Variants in PTPRG observed in about 807,000 individuals in gnomAD.
PTPRG encodes protein tyrosine phosphatase receptor type G, also known as receptor-type tyrosine-protein phosphatase gamma.
PTPRG carries 102 observed loss-of-function variants against 165.3 expected under a neutral mutation model. That is an observed-to-expected ratio of 0.62 (90% CI 0.53 to 0.73). PTPRG has a LOEUF of 0.73. PTPRG is among the 30% of genes least tolerant of loss of function. The pLI is 0.00. For synonymous variants in PTPRG, 675 were observed against 669.5 expected (o/e 1.01, Z -0.13); for missense variants, 1,866 against 1,861.4 (o/e 1.00, Z -0.05).
chr3:61,839,820 C>A (rs867493781), intron 2 of PTPRG, among the ~76,000 whole-genome samples: 2 of 152,162 alleles, frequency 1.3e-5, no homozygotes, highest in African/African-American at 4.8e-5. Flanking sequence ...CACCTCTCAA[C>A]TCTCACCCCC....
At chr3:62,115,422 G>C in intron 5 of PTPRG, among the ~76,000 whole-genome samples, 1 of 152,258 alleles carries the variant, frequency 6.6e-6, no homozygotes, top group East Asian at 1.9e-4. Flanking sequence ...GGGTTGAGGA[G>C]TATAAGCAGG....
chr3:62,267,360 G>T (rs1576198411), intron 17 of PTPRG, 50 bp from the exon 18 acceptor site: 1 of 1,359,934 alleles, frequency 7.4e-7, no homozygotes, highest in Non-Finnish European at 1.0e-6. Context: ...AATGGTGCTA[G>T]TTTCTGAATT....
At chr3:61,800,141 T>C (rs1559618736) in intron 2 of PTPRG, among the ~76,000 whole-genome samples, 1 of 152,154 alleles carries the variant, frequency 6.6e-6, no homozygotes, top group East Asian at 1.9e-4. Flanking sequence ...TGAATAAATA[T>C]TGTGTGACTG....
intron 2 of PTPRG, among the ~76,000 whole-genome samples, chr3:61,810,187 A>T (rs946298065): frequency 6.6e-6 from 1 of 152,202 alleles, no homozygotes; most frequent in South Asian, 2.1e-4. Flanking sequence ...AATAAGAACA[A>T]TACGACTGGT....
At chr3:62,075,223 A>C (rs1315961530) in intron 4 of PTPRG, among the ~76,000 whole-genome samples, 3 of 152,240 alleles carry the variant, frequency 2.0e-5, no homozygotes, top group Admixed American at 2.0e-4. Context: ...CGGGTGATGC[A>C]TTAAACAATG....
At chr3:62,019,002 T>C (rs1191744362) in intron 4 of PTPRG, among the ~76,000 whole-genome samples, 1 of 152,090 alleles carries the variant, frequency 6.6e-6, no homozygotes, top group Non-Finnish European at 1.5e-5. Context: ...ATCAACTTGG[T>C]CTTTGGGGTC....
intron 1 of PTPRG, among the ~76,000 whole-genome samples, chr3:61,652,017 ATATAAAAG>A (rs1044493116): frequency 3.3e-5 from 5 of 151,380 alleles, no homozygotes; most frequent in Non-Finnish European, 2.9e-5. Context: ...CTCAATATAT[ATATAAAAG>A]TAGGCCAGGC....
chr3:62,278,350 G>A (rs1702306885), intron 26 of PTPRG, among the ~76,000 whole-genome samples: 1 of 151,980 alleles, frequency 6.6e-6, no homozygotes, highest in Non-Finnish European at 1.5e-5. Context: ...CCCACTTAAA[G>A]GTCTTTAGGA....
chr3:62,005,132 T>A (rs1452220969), intron 4 of PTPRG, among the ~76,000 whole-genome samples: 1 of 152,200 alleles, frequency 6.6e-6, no homozygotes. Context: ...ATGCTTCATG[T>A]TTTTTCTTGT....
chr3:62,059,939 C>T (rs1296841233), intron 4 of PTPRG, among the ~76,000 whole-genome samples: 1 of 152,168 alleles, frequency 6.6e-6, no homozygotes, highest in Admixed American at 6.5e-5. Context: ...TTTCCTGAGG[C>T]CTCCCCAGCT....
intron 1 of PTPRG, among the ~76,000 whole-genome samples, chr3:61,611,099 G>A (rs1221756339): frequency 2.0e-5 from 3 of 152,180 alleles, no homozygotes; most frequent in Non-Finnish European, 2.9e-5. Flanking sequence ...ACCGAGTCCG[G>A]TGTATTCTTT....
At chr3:61,646,880 A>G (rs1361578074) in intron 1 of PTPRG, among the ~76,000 whole-genome samples, 1 of 152,222 alleles carries the variant, frequency 6.6e-6, no homozygotes, top group African/African-American at 2.4e-5. Context: ...CATACGGTAC[A>G]TAACCTTTTG....
At chr3:62,178,877 G>T (rs1038941236) in intron 8 of PTPRG, among the ~76,000 whole-genome samples, 1 of 152,222 alleles carries the variant, frequency 6.6e-6, no homozygotes, top group Admixed American at 6.5e-5. Context: ...CATGGTGCTT[G>T]TGAACAGCAA....
At chr3:61,860,434 C>CTTTTTTTTTTTTT (rs766688465) in intron 2 of PTPRG, among the ~76,000 whole-genome samples, 6 of 95,524 alleles carry the variant, frequency 6.3e-5, no homozygotes, top group African/African-American at 1.5e-4. Flanking sequence ...GTTTTTGTTC[C>CTTTTTTTTTTTTT]TTTTTTTTTT....
chr3:61,733,578 A>G (rs1426605351), intron 1 of PTPRG, among the ~76,000 whole-genome samples: 8 of 152,218 alleles, frequency 5.3e-5, no homozygotes, highest in Admixed American at 4.6e-4. Flanking sequence ...CACCAGCACC[A>G]TTACTCATTT....
intron 2 of PTPRG, among the ~76,000 whole-genome samples, chr3:61,983,860 T>C (rs1293456318): frequency 6.6e-6 from 1 of 152,190 alleles, no homozygotes; most frequent in Non-Finnish European, 1.5e-5. Flanking sequence ...CTGGGGCTGA[T>C]GGTAGGGCAA....
intron 5 of PTPRG, among the ~76,000 whole-genome samples, chr3:62,078,906 T>C (rs965247411): frequency 2.0e-5 from 3 of 152,034 alleles, no homozygotes; most frequent in African/African-American, 7.3e-5. Context: ...GATCAGTGAG[T>C]GCCTTGACCA....
At chr3:61,661,566 A>G (rs1440268616) in intron 1 of PTPRG, among the ~76,000 whole-genome samples, 1 of 152,216 alleles carries the variant, frequency 6.6e-6, no homozygotes, top group African/African-American at 2.4e-5. Context: ...TTATCATGCT[A>G]TAAATACCAA....
chr3:62,007,980 G>T (rs555854421), intron 4 of PTPRG, among the ~76,000 whole-genome samples: 1 of 152,326 alleles, frequency 6.6e-6, no homozygotes, highest in Non-Finnish European at 1.5e-5. Flanking sequence ...TGTCCTTAAA[G>T]TAAACAAACT....
Sources: allele counts gnomAD v4.1 joint callset (sites outside exome capture counted in the v4.1 genomes callset), GRCh38; gene constraint gnomAD v4.1.1; transcripts MANE v1.5; gene names NCBI Gene and HGNC (gene_info 2026-07-23, HGNC 2026-07-21).